Variants in PTPRD observed in about 807,000 individuals in gnomAD.
PTPRD encodes the protein protein tyrosine phosphatase receptor type D, also known as receptor-type tyrosine-protein phosphatase delta.
A neutral mutation model predicts 214.5 loss-of-function variants in PTPRD; 34 were observed. That is an observed-to-expected ratio of 0.16 (90% CI 0.12 to 0.21). The LOEUF (loss-of-function observed/expected upper bound fraction) is 0.21, where lower values mean the gene tolerates loss of function less well. Ranked by LOEUF, PTPRD falls within the 10% of genes least tolerant of loss-of-function variation. PTPRD has a pLI of 1.00. For synonymous variants in PTPRD, 1,128 were observed against 845.7 expected (o/e 1.33, Z -5.79); for missense variants, 2,545 against 2,398.7 (o/e 1.06, Z -1.27).
At chr9:8,411,319 T>C (rs1284754465) in intron 35 of PTPRD, among the ~76,000 whole-genome samples, 1 of 151,942 alleles carries the variant, frequency 6.6e-6, no homozygotes, top group Non-Finnish European at 1.5e-5. Flanking sequence ...TTATTTTTAT[T>C]TTTTTTGTGG....
chr9:10,349,514 C>A (rs531803724), intron 2 of PTPRD, among the ~76,000 whole-genome samples: 2 of 152,186 alleles, frequency 1.3e-5, no homozygotes, highest in East Asian at 1.9e-4. Context: ...AATGCATATA[C>A]ATAAACCTCT....
chr9:10,323,283 TCCTCC>T (rs1447495148), intron 3 of PTPRD, among the ~76,000 whole-genome samples: 58 of 25,612 alleles, frequency 2.3e-3, no homozygotes, highest in African/African-American at 8.5e-3. Flanking sequence ...CCCTCCCCTC[TCCTCC>T]CCTCCCCTCC....
In PTPRD at chr9:10,096,682, G is replaced by A. The variant is rs572668789; in HGVS notation, c.-544-62892C>T. Among the ~76,000 whole-genome samples the A allele has an allele frequency of 7.2e-5, 11 of 151,738 alleles. No homozygotes were observed. The South Asian group carries it at 2.1e-3, about 29-fold the overall frequency. ...AGGTTGCAAAAATTCTCTCCCATTCGGTAGGTTGCCTGTTCACTCTGATGG... is the reference window on the plus strand; with the variant it reads ...AGGTTGCAAAAATTCTCTCCCATTCAGTAGGTTGCCTGTTCACTCTGATGG... On this transcript the variant is annotated intron_variant, in intron 3 of 45. Coordinates refer to ENST00000381196, the MANE Select transcript of PTPRD (RefSeq NM_002839.4).
chr9:9,648,695 C>A (rs2096258951), intron 7 of PTPRD, among the ~76,000 whole-genome samples: 1 of 152,094 alleles, frequency 6.6e-6, no homozygotes, highest in South Asian at 2.1e-4. Context: ...AACTAATTAG[C>A]CATGAATTGC....
intron 33 of PTPRD, among the ~76,000 whole-genome samples, chr9:8,457,551 C>A (rs1217708325): frequency 6.6e-6 from 1 of 151,726 alleles, no homozygotes; most frequent in Non-Finnish European, 1.5e-5. Flanking sequence ...AAAGAGTATG[C>A]CATTTCCACA....
At chr9:10,297,631 A>G (rs546141445) in intron 3 of PTPRD, among the ~76,000 whole-genome samples, 2 of 151,448 alleles carry the variant, frequency 1.3e-5, no homozygotes, top group African/African-American at 4.9e-5. Flanking sequence ...ACACTCTAGG[A>G]TAAAATAATG....
At chr9:9,834,627 C>A (rs1448955949) in intron 5 of PTPRD, among the ~76,000 whole-genome samples, 1 of 152,040 alleles carries the variant, frequency 6.6e-6, no homozygotes, top group African/African-American at 2.4e-5. Flanking sequence ...CAGGAAGGAG[C>A]AACCCAAAGC....
intron 7 of PTPRD, among the ~76,000 whole-genome samples, chr9:9,689,638 T>C (rs2097229471): frequency 6.6e-6 from 1 of 151,808 alleles, no homozygotes; most frequent in Non-Finnish European, 1.5e-5. Flanking sequence ...GTTTATCCAC[T>C]CCTCCCCTCT....
intron 10 of PTPRD, among the ~76,000 whole-genome samples, chr9:9,051,851 T>G (rs1230479480): frequency 6.6e-6 from 1 of 152,188 alleles, no homozygotes; most frequent in Non-Finnish European, 1.5e-5. Context: ...TAATCCTGCC[T>G]GGTCAAAATT....
Position 9,957,187 on chromosome 9 carries a change from G to C in PTPRD, c.-471-18577C>G, listed in dbSNP as rs190428637. Among the ~76,000 whole-genome samples, 681 of 152,174 alleles carry C rather than the reference G, an allele frequency of 4.5e-3. 2 individuals are homozygous for C. Among genetic ancestry groups the C allele is most frequent in the African/African-American group, 0.015 (631 of 41,512 alleles). On this transcript the variant is annotated intron_variant, in intron 4 of 45. Transcript: ENST00000381196. ...ATGTATATATAAACAGACACAAAAAGTGATCCAGAGCTACTAACATCCATG... is the reference window on the plus strand; with the variant it reads ...ATGTATATATAAACAGACACAAAAACTGATCCAGAGCTACTAACATCCATG...
At chr9:10,163,696 G>T (rs932198728) in intron 3 of PTPRD, among the ~76,000 whole-genome samples, 4 of 151,374 alleles carry the variant, frequency 2.6e-5, no homozygotes, top group Non-Finnish European at 5.9e-5. Flanking sequence ...AAGGTCAACA[G>T]CTCAAAGCAC....
At chr9:10,343,581 A>T (rs2096988929) in intron 2 of PTPRD, among the ~76,000 whole-genome samples, 1 of 152,142 alleles carries the variant, frequency 6.6e-6, no homozygotes, top group South Asian at 2.1e-4. Flanking sequence ...GAACTAATTT[A>T]CAGTCCCACC....
intron 3 of PTPRD, among the ~76,000 whole-genome samples, chr9:10,102,366 G>A (rs1362687169): frequency 6.6e-6 from 1 of 151,024 alleles, no homozygotes; most frequent in Non-Finnish European, 1.5e-5. Context: ...ACAAAAATCA[G>A]GTACAGAAAG....
At chr9:8,771,373 T>C (rs2095199829) in intron 11 of PTPRD, among the ~76,000 whole-genome samples, 1 of 152,194 alleles carries the variant, frequency 6.6e-6, no homozygotes, top group South Asian at 2.1e-4. Context: ...CTTTTAAAAA[T>C]TCTTAGAATT....
chr9:10,531,731 G>A (rs149891100), intron 2 of PTPRD, among the ~76,000 whole-genome samples: 2 of 152,136 alleles, frequency 1.3e-5, no homozygotes, highest in African/African-American at 2.4e-5. Context: ...GCAATTTTCT[G>A]TGTTCATTTA....
At chr9:8,388,396 C>T (rs2088027115) in intron 37 of PTPRD, among the ~76,000 whole-genome samples, 1 of 152,108 alleles carries the variant, frequency 6.6e-6, no homozygotes, top group African/African-American at 2.4e-5. Flanking sequence ...TCTTGAATGT[C>T]CCTATTCTTC....
At chr9:9,104,724 T>C (rs1049529306) in intron 10 of PTPRD, among the ~76,000 whole-genome samples, 2 of 152,210 alleles carry the variant, frequency 1.3e-5, no homozygotes, top group African/African-American at 2.4e-5. Context: ...CTCGCTGATA[T>C]TAAGCTATGC....
intron 3 of PTPRD, among the ~76,000 whole-genome samples, chr9:10,058,340 G>A (rs183730099): frequency 7.2e-5 from 11 of 152,022 alleles, no homozygotes; most frequent in Middle Eastern, 3.4e-3. Context: ...ATAGCCAATC[G>A]ATAGCTATGT....
rs776728008 is a variant in PTPRD, at chr9:8,486,262, G to C, written c.2555C>G (p.Pro852Arg). 6.8e-6 allele frequency: 11 copies of C among 1,614,046 alleles called. No homozygotes were observed. The highest frequency in any genetic ancestry group is 1.6e-4 in the Middle Eastern group (1 of 6,084). ...AAATTTTAGACGGTAGCCCTGAAGA[G>C]GTCCAAATGTGTCCACCGGAGGGTG... is the stretch of plus-strand genomic sequence containing the variant. Reference protein sequence around the residue: ...QWHPPVDTFGPLQGYRLKFGR... With the variant: ...QWHPPVDTFGRLQGYRLKFGR... The change falls in exon 28 of 46, where the codon CCT (proline) becomes CGT (arginine). Residue 852 changes from proline to arginine, a missense_variant. Coordinates refer to ENST00000381196, the MANE Select transcript of PTPRD (RefSeq NM_002839.4).
Sources: gnomAD v4.1 joint callset for allele counts (sites outside exome capture counted in the v4.1 genomes callset) on GRCh38, gnomAD v4.1.1 for gene constraint, MANE v1.5 for transcripts, NCBI Gene and HGNC (gene_info 2026-07-23, HGNC 2026-07-21) for gene names.